RGS3: variants seen among roughly 807,000 people sequenced by gnomAD.
RGS3 encodes regulator of G-protein signalling 3.
A neutral mutation model predicts 132.6 loss-of-function variants in RGS3; 80 were observed. The observed-to-expected ratio is 0.60, with a 90% confidence interval of 0.50 to 0.73. RGS3 has a LOEUF of 0.73. RGS3 is among the 30% of genes least tolerant of loss of function. The pLI, the probability that RGS3 is intolerant of heterozygous loss-of-function variation, is 0.00. For missense variants in RGS3, 1,382 were observed against 1,530.8 expected, an observed-to-expected ratio of 0.90 and a Z score of 1.62; for synonymous variants, 598 against 620.6, an observed-to-expected ratio of 0.96 and a Z score of 0.54.
At chr9:113,597,031 C>T (rs978476785) in exon 25 of RGS3, 13 of 1,304,746 alleles carry the variant, frequency 1.0e-5, no homozygotes, top group Non-Finnish European at 1.3e-5. Flanking sequence ...CCCCCTGTGA[C>T]GGAGGGGGCA....
At chr9:113,465,303 A>G (rs1464738476) in intron 3 of RGS3, among the ~76,000 whole-genome samples, 1 of 152,130 alleles carries the variant, frequency 6.6e-6, no homozygotes, top group Non-Finnish European at 1.5e-5. Flanking sequence ...CCTCCTTATT[A>G]TCATGGTTAC....
In RGS3 at chr9:113,565,515, C is replaced by G. The variant is rs1833957275; in HGVS notation, c.2038-17935C>G. On this transcript the variant is annotated intron_variant, in intron 19 of 24. Transcript: ENST00000350696. The surrounding 1 kb of genome is among the most constrained non-coding windows in gnomAD (Gnocchi z 5.7). ...GGTCATTTGGTTCTGCTTTTCCTAG[C>G]AGGTATCGCTCCCCTGGGGAACTTG... The G allele has an allele frequency of 1.8e-6, 1 of 550,780 alleles. No individual in the cohort carries two copies. The highest frequency in any genetic ancestry group is 2.0e-5 in the African/African-American group (1 of 50,614). 34.1% of individuals were successfully genotyped at this position (550,780 alleles called of 1,614,324 possible).
At chr9:113,585,809 G>A (rs545559531) in intron 20 of RGS3, among the ~76,000 whole-genome samples, 44 of 152,304 alleles carry the variant, frequency 2.9e-4, no homozygotes, top group African/African-American at 1.0e-3. Context: ...TAGCTTCTTA[G>A]CCACTAGCAA....
intron 6 of RGS3, 24 bp from the exon 5 acceptor site, chr9:113,485,601 C>T (rs771805780): frequency 1.3e-6 from 2 of 1,578,006 alleles, no homozygotes; most frequent in South Asian, 1.2e-5. Context: ...TACTAACACT[C>T]CGATGGTCTG....
At position 113,478,321 on chromosome 9, in the gene RGS3, A is replaced by G. The variant is rs995633123; in HGVS notation, c.416-1170A>G. ...CTTTCTTTTTAATTATAGAAGTGCTATAGTTCGTGGATATATTTGAATTAT... is the reference window on the plus strand; with the variant it reads ...CTTTCTTTTTAATTATAGAAGTGCTGTAGTTCGTGGATATATTTGAATTAT... On this transcript the variant is annotated intron_variant, in intron 3 of 24. Transcript: ENST00000350696. Among the ~76,000 whole-genome samples, 13 of 151,736 alleles carry G rather than the reference A, an allele frequency of 8.6e-5. No individual in the cohort carries two copies. The East Asian group carries it at 1.9e-3, about 23-fold the overall frequency.
upstream of RGS3, among the ~76,000 whole-genome samples, chr9:113,458,726 A>G (rs879508205): frequency 6.6e-6 from 1 of 152,188 alleles, no homozygotes; most frequent in Non-Finnish European, 1.5e-5. Flanking sequence ...CCACATTTTA[A>G]TAGATCTGCT....
chr9:113,507,737 G>A lies in RGS3; in HGVS notation c.1437+99G>A. On this transcript the variant is annotated intron_variant, in intron 13 of 24. Coordinates refer to ENST00000350696, the Ensembl canonical transcript of RGS3. The surrounding 1 kb of genome is among the most constrained non-coding windows in gnomAD (Gnocchi z 5.0). The stretch of plus-strand genomic sequence containing the variant: ...AAGTTGTGTGATGAGCAGCCTGTGA[G>A]GGGCTGCGATGTTGGGCAAGGAGAT... 1 of 1,001,324 alleles carries A rather than the reference G, an allele frequency of 1.0e-6. No individual in the cohort carries two copies. The highest frequency in any genetic ancestry group is 2.3e-5 in the South Asian group (1 of 44,078). The allele number at this position is 1,001,324 out of a possible 1,614,324, so 62.0% of individuals were successfully genotyped here. A position where few individuals can be genotyped will look rare whatever the true frequency, so the allele number is the denominator to read the frequency against.
At chr9:113,531,185 C>T (rs1397306179) in intron 18 of RGS3, among the ~76,000 whole-genome samples, 2 of 152,204 alleles carry the variant, frequency 1.3e-5, no homozygotes, top group Non-Finnish European at 1.5e-5. Context: ...GTGTGTTTCT[C>T]AGTTCCTGCA....
chr9:113,523,041 G>T, exon 17 of RGS3: 1 of 1,604,234 alleles, frequency 6.2e-7, no homozygotes, highest in Non-Finnish European at 8.5e-7. Flanking sequence ...GCTGCAGGAA[G>T]GTAAGCAGAT....
At chr9:113,497,117 G>C (rs369425974) in intron 8 of RGS3, among the ~76,000 whole-genome samples, 197 bp from the exon 7 acceptor site, 1 of 152,218 alleles carries the variant, frequency 6.6e-6, no homozygotes, top group Non-Finnish European at 1.5e-5. Context: ...TGGCAGAGGG[G>C]AGAGCCAGAT....
intron 17 of RGS3, among the ~76,000 whole-genome samples, chr9:113,523,691 C>G (rs578042088): frequency 6.6e-6 from 1 of 152,240 alleles, no homozygotes; most frequent in South Asian, 2.1e-4. Flanking sequence ...GAGTATCTGT[C>G]AGTGGTTTGG....
intron 4 of RGS3, among the ~76,000 whole-genome samples, chr9:113,481,523 A>C (rs1027992343): frequency 6.6e-6 from 1 of 152,250 alleles, no homozygotes; most frequent in East Asian, 1.9e-4. Flanking sequence ...GGAGCAGCAG[A>C]GGGGTGTTCT....
chr9:113,500,151 G>A (rs1400250650), intron 10 of RGS3, among the ~76,000 whole-genome samples: 2 of 152,204 alleles, frequency 1.3e-5, no homozygotes, highest in African/African-American at 4.8e-5. Flanking sequence ...GAGGTGCACT[G>A]GATTTTCCTG....
At chr9:113,514,395 C>T (rs1831550411) in intron 14 of RGS3, 63 bp from the exon 13 acceptor site, 4 of 1,431,386 alleles carry the variant, frequency 2.8e-6, no homozygotes, top group Admixed American at 3.7e-5. Flanking sequence ...CCTGTTTCTA[C>T]AGAGGGGACA....
At chr9:113,467,447 A>G (rs1229275837) in intron 3 of RGS3, among the ~76,000 whole-genome samples, 1 of 152,132 alleles carries the variant, frequency 6.6e-6, no homozygotes, top group African/African-American at 2.4e-5. Flanking sequence ...ATTGATATTC[A>G]CTATAGTTTC....
chr9:113,495,993 G>C, intron 8 of RGS3, 147 bp downstream of exon 6: 1 of 734,540 alleles, frequency 1.4e-6, no homozygotes, highest in Non-Finnish European at 2.4e-6. Context: ...GGCCTGCATA[G>C]CAGCACTGTG....
intron 1 of RGS3, among the ~76,000 whole-genome samples, chr9:113,455,205 AT>A (rs1399322281): frequency 6.6e-6 from 1 of 152,224 alleles, no homozygotes; most frequent in African/African-American, 2.4e-5. Flanking sequence ...GATGTACAAT[AT>A]CTTAAAAACC....
At chr9:113,473,260 C>T (rs1829889930) in intron 3 of RGS3, among the ~76,000 whole-genome samples, 1 of 152,232 alleles carries the variant, frequency 6.6e-6, no homozygotes, top group Non-Finnish European at 1.5e-5. Context: ...GTATCAAAGA[C>T]TTTGTGGACA....
chr9:113,503,701 A>G (rs1300989607), intron 10 of RGS3, among the ~76,000 whole-genome samples: 3 of 152,094 alleles, frequency 2.0e-5, no homozygotes, highest in East Asian at 1.9e-4. Flanking sequence ...TGGATGGGGT[A>G]GGGGTGGGGA....
Sources: gnomAD v4.1 joint callset for allele counts (sites outside exome capture counted in the v4.1 genomes callset) on GRCh38, gnomAD v4.1.1 for gene constraint, Gnocchi (gnomAD v3.1) non-coding constraint, MANE v1.5 for transcripts, NCBI Gene and HGNC (gene_info 2026-07-23, HGNC 2026-07-21) for gene names.